ABCD3: variants seen among roughly 807,000 people sequenced by gnomAD.
ABCD3 encodes ATP-binding cassette sub-family D member 3.
A neutral mutation model predicts 105.5 loss-of-function variants in ABCD3; 41 were observed. The observed-to-expected ratio is 0.39, with a 90% CI of 0.30 to 0.50. The LOEUF (loss-of-function observed/expected upper bound fraction) is 0.50, where lower values mean the gene tolerates loss of function less well. ABCD3 is among the 20% of genes least tolerant of loss of function. The probability of loss-of-function intolerance (pLI) is 0.84; values close to 1 mark genes in which losing one functional copy is unlikely to be tolerated. For synonymous variants in ABCD3, 258 were observed against 269.0 expected (o/e 0.96, Z 0.40); for missense variants, 622 against 806.3 (o/e 0.77, Z 2.77).
chr1:94,512,382 A>G (rs1650718942), intron 21 of ABCD3, among the ~76,000 whole-genome samples: 1 of 151,902 alleles, frequency 6.6e-6, no homozygotes, highest in Non-Finnish European at 1.5e-5. Flanking sequence ...ATCTCTTTAT[A>G]ATTCTCTTTA....
intron 1 of ABCD3, among the ~76,000 whole-genome samples, chr1:94,444,282 G>C (rs1011505718): frequency 6.7e-6 from 1 of 149,642 alleles, no homozygotes; most frequent in African/African-American, 2.5e-5. Flanking sequence ...CATTGAGCCA[G>C]GATTGTGCCA....
chr1:94,476,728 A>G (rs577598727), intron 7 of ABCD3, among the ~76,000 whole-genome samples: 33 of 152,310 alleles, frequency 2.2e-4, no homozygotes, highest in Middle Eastern at 6.8e-3. Flanking sequence ...CCCAGGCCCA[A>G]TGCTTTTCAC....
At chr1:94,454,776 C>T (rs1647462174) in intron 1 of ABCD3, among the ~76,000 whole-genome samples, 4 of 152,148 alleles carry the variant, frequency 2.6e-5, no homozygotes, top group South Asian at 4.1e-4. Context: ...CTCAGCCTCC[C>T]GAGTAGCTGG....
intron 4 of ABCD3, among the ~76,000 whole-genome samples, chr1:94,473,179 A>G (rs1648568225): frequency 6.6e-6 from 1 of 152,046 alleles, no homozygotes; most frequent in African/African-American, 2.4e-5. Context: ...AAATCTCACT[A>G]CCTGCCATCT....
the ABCD3 span, among the ~76,000 whole-genome samples, chr1:94,399,828 A>G: frequency 6.6e-6 from 1 of 152,146 alleles, no homozygotes; most frequent in African/African-American, 2.4e-5. Context: ...TCCAGATAAT[A>G]TTTACTTTCT....
At chr1:94,413,639 C>A (rs1658953100), upstream of ABCD3, among the ~76,000 whole-genome samples, 2 of 152,170 alleles carry the variant, frequency 1.3e-5, no homozygotes, top group Admixed American at 6.5e-5. Flanking sequence ...GTCAGGATGT[C>A]CTTTCCTTGG....
At chr1:94,444,594 T>C (rs1163497367) in intron 1 of ABCD3, among the ~76,000 whole-genome samples, 1 of 152,226 alleles carries the variant, frequency 6.6e-6, no homozygotes, top group African/African-American at 2.4e-5. Flanking sequence ...TTTTTTGTTA[T>C]AAACCTTTTC....
intron 1 of ABCD3, among the ~76,000 whole-genome samples, chr1:94,452,055 G>A (rs182773825): frequency 6.0e-4 from 92 of 152,278 alleles, no homozygotes; most frequent in Admixed American, 7.9e-4. Context: ...ATCCTTGGGT[G>A]CCTAATACAT....
chr1:94,502,775 C>T (rs910866408), intron 20 of ABCD3, among the ~76,000 whole-genome samples: 1 of 152,140 alleles, frequency 6.6e-6, no homozygotes, highest in African/African-American at 2.4e-5. Flanking sequence ...GCTGGGATTT[C>T]ATGCGTGAGC....
chr1:94,487,725 C>T lies in ABCD3; in HGVS notation c.999C>T (p.Val333=), dbSNP rs748814323. The change falls in exon 12 of 23, where the codon GTC becomes GTT. Residue 333 remains valine, a synonymous_variant. Coordinates refer to ENST00000370214, the MANE Select transcript of ABCD3 (RefSeq NM_002858.4). ...YLATVVGYLV[V]SRPFLDLSHP... ...CCACTGTTGTTGGTTACCTAGTTGT[C>T]AGTCGCCCTTTCTTAGATTTGTCTC... The T allele has an allele frequency of 6.2e-7, 1 of 1,614,038 alleles. No homozygotes were observed. The highest frequency in any genetic ancestry group is 8.5e-7 in the Non-Finnish European group (1 of 1,179,956).
intron 20 of ABCD3, among the ~76,000 whole-genome samples, chr1:94,502,752 G>A (rs571267635): frequency 3.9e-5 from 6 of 152,014 alleles, no homozygotes; most frequent in African/African-American, 1.2e-4. Flanking sequence ...CACCTGCTTC[G>A]ACCTCCCAAT....
the ABCD3 span, among the ~76,000 whole-genome samples, chr1:94,408,144 T>C: frequency 6.6e-6 from 1 of 152,226 alleles, no homozygotes; most frequent in Non-Finnish European, 1.5e-5. Context: ...TACAGAGCTG[T>C]CATTTCTATT....
intron 21 of ABCD3, among the ~76,000 whole-genome samples, chr1:94,508,757 G>A (rs540603234): frequency 2.0e-4 from 31 of 152,212 alleles, no homozygotes; most frequent in African/African-American, 7.5e-4. Flanking sequence ...TGAAGCAATT[G>A]TGAATGGGAG....
At chr1:94,466,000 G>A (rs562131579) in intron 3 of ABCD3, among the ~76,000 whole-genome samples, 1 of 151,590 alleles carries the variant, frequency 6.6e-6, no homozygotes, top group South Asian at 2.1e-4. Flanking sequence ...TCATCATGCT[G>A]GATTTGCTCT....
the ABCD3 span, among the ~76,000 whole-genome samples, chr1:94,403,970 A>C: frequency 1.1e-4 from 17 of 152,322 alleles, no homozygotes; most frequent in South Asian, 3.5e-3. Flanking sequence ...GAACAAAGAA[A>C]TATGTAAATG....
At chr1:94,420,132 CACAT>C (rs1336202179) in intron 1 of ABCD3, among the ~76,000 whole-genome samples, 2 of 152,140 alleles carry the variant, frequency 1.3e-5, no homozygotes, top group African/African-American at 4.8e-5. Context: ...GATATAGTAT[CACAT>C]ACATGCCACA....
At chr1:94,386,000 TGAAGA>T in the ABCD3 span, among the ~76,000 whole-genome samples, 7 of 148,156 alleles carry the variant, frequency 4.7e-5, 1 homozygote, top group African/African-American at 1.8e-4. Flanking sequence ...TTTTTAGAAG[TGAAGA>T]GATTACTTTT....
chr1:94,484,793 A>C (rs972101523), intron 10 of ABCD3, among the ~76,000 whole-genome samples: 1 of 152,188 alleles, frequency 6.6e-6, no homozygotes. Context: ...AATCAAAAAC[A>C]TAAAAAAAAA....
chr1:94,467,202 CT>C (rs376365884), intron 3 of ABCD3, among the ~76,000 whole-genome samples: 44 of 152,210 alleles, frequency 2.9e-4, no homozygotes, highest in African/African-American at 9.1e-4. Flanking sequence ...ATTTTAATCC[CT>C]TTTTTCCCCC....
Sources: gnomAD v4.1 joint callset for allele counts (sites outside exome capture counted in the v4.1 genomes callset) on GRCh38, gnomAD v4.1.1 for gene constraint, MANE v1.5 for transcripts, NCBI Gene and HGNC (gene_info 2026-07-23, HGNC 2026-07-21) for gene names.